SH2D1B: variants seen among roughly 807,000 people sequenced by gnomAD.
SH2D1B encodes SH2 domain containing 1B.
A neutral mutation model predicts 16.3 loss-of-function variants in SH2D1B; 11 were observed. The observed-to-expected ratio is 0.67, with a 90% CI of 0.42 to 1.11. The LOEUF is 1.11. Ranked by LOEUF, SH2D1B falls within the 50% of genes most tolerant of loss-of-function variation. SH2D1B has a pLI of 0.00. For missense variants in SH2D1B, 123 were observed against 153.1 expected (o/e 0.80, Z 1.04); for synonymous variants, 55 against 56.1 (o/e 0.98, Z 0.09).
At chr1:162,400,784 C>T (rs1477832616) in intron 2 of SH2D1B, among the ~76,000 whole-genome samples, 2 of 151,826 alleles carry the variant, frequency 1.3e-5, no homozygotes, top group Admixed American at 6.6e-5. Flanking sequence ...TCCGTCTCTA[C>T]TAAAAATACA....
In SH2D1B at chr1:162,403,514, ATATATATATAT is replaced by A. The variant is rs1648580947; in HGVS notation, c.135-723_135-713del. Among the ~76,000 whole-genome samples the A allele has an allele frequency of 2.9e-3, 66 of 22,752 alleles. 1 individual carries two copies. The highest frequency in any genetic ancestry group is 0.012 in the South Asian group (5 of 402). 14.9% of individuals were successfully genotyped at this position (22,752 alleles called of 152,430 possible). A position where few individuals can be genotyped will look rare whatever the true frequency, so the allele number is the denominator to read the frequency against. ...AAAAAAAAAAAAAAAAAAAAAAAAT[ATATATATATAT>A]ATATATATATATATATATGTAATTA... On this transcript the variant is annotated intron_variant, in intron 1 of 3. Transcript: ENST00000367929.
intron 1 of SH2D1B, among the ~76,000 whole-genome samples, chr1:162,405,818 C>CT (rs1416343382): frequency 6.6e-6 from 1 of 152,142 alleles, no homozygotes; most frequent in Non-Finnish European, 1.5e-5. Flanking sequence ...TTGTTTTACT[C>CT]TATCTATTTA....
chr1:162,409,107 TAA>T (rs67639233), intron 1 of SH2D1B, among the ~76,000 whole-genome samples: 238 of 141,418 alleles, frequency 1.7e-3, no homozygotes, highest in Admixed American at 1.8e-3. Flanking sequence ...AGACCCTGTC[TAA>T]AAAAAAAAAA....
intron 1 of SH2D1B, among the ~76,000 whole-genome samples, chr1:162,410,943 AC>A (rs1571276841): frequency 1.3e-5 from 2 of 148,900 alleles, no homozygotes; most frequent in East Asian, 4.0e-4. Context: ...GGAGTGAGCC[AC>A]TGTGCCCAGC....
intron 1 of SH2D1B, among the ~76,000 whole-genome samples, chr1:162,404,200 G>T (rs1016344091): frequency 6.6e-6 from 1 of 152,090 alleles, no homozygotes; most frequent in African/African-American, 2.4e-5. Flanking sequence ...GCTGGGTGTG[G>T]TGGCAGGCAC....
At chr1:162,410,579 C>T (rs72703858) in intron 1 of SH2D1B, among the ~76,000 whole-genome samples, 2,596 of 151,958 alleles carry the variant, frequency 0.017, 50 homozygotes, top group South Asian at 0.096. Flanking sequence ...TTCAGGATTG[C>T]TTTCTAAACT....
chr1:162,400,631 T>C (rs1648492774), intron 2 of SH2D1B, among the ~76,000 whole-genome samples: 1 of 151,762 alleles, frequency 6.6e-6, no homozygotes, highest in African/African-American at 2.4e-5. Context: ...TAATATAACC[T>C]TTTAGAAATA....
intron 1 of SH2D1B, among the ~76,000 whole-genome samples, chr1:162,406,576 T>G (rs1178359713): frequency 1.3e-5 from 2 of 152,188 alleles, no homozygotes; most frequent in African/African-American, 4.8e-5. Flanking sequence ...ATAGTTTGTT[T>G]TGTTTTTTAT....
intron 1 of SH2D1B, among the ~76,000 whole-genome samples, chr1:162,405,398 G>T (rs1336988569): frequency 6.6e-6 from 1 of 152,118 alleles, no homozygotes; most frequent in Non-Finnish European, 1.5e-5. Context: ...CCATCAAATT[G>T]TACACTTTTT....
At chr1:162,403,511 A>AAAAAAAAAAAAAAAAAAATAT (rs1648579325) in intron 1 of SH2D1B, among the ~76,000 whole-genome samples, 1 of 42,040 alleles carries the variant, frequency 2.4e-5, no homozygotes, top group Non-Finnish European at 4.0e-5. Flanking sequence ...AAAAAAAAAA[A>AAAAAAAAAAAAAAAAAAATAT]ATATATATAT....
chr1:162,403,510 AAATATATATATATATAT>A (rs1322655150), intron 1 of SH2D1B, among the ~76,000 whole-genome samples: 6 of 15,210 alleles, frequency 3.9e-4, no homozygotes, highest in South Asian at 3.6e-3. Flanking sequence ...AAAAAAAAAA[AAATATATATATATATAT>A]ATATATATAT....
intron 1 of SH2D1B, among the ~76,000 whole-genome samples, chr1:162,404,004 C>T (rs1648591793): frequency 1.3e-5 from 2 of 152,070 alleles, no homozygotes; most frequent in African/African-American, 4.8e-5. Flanking sequence ...AACAAGAGAT[C>T]TATTGTACAA....
intron 1 of SH2D1B, among the ~76,000 whole-genome samples, chr1:162,408,711 G>A (rs72703856): frequency 0.3 from 45,581 of 151,920 alleles, 6,931 homozygotes; most frequent in African/African-American, 0.31. Context: ...ACCACGCCTG[G>A]CCCATTTTTT....
intron 1 of SH2D1B, 52 bp from the exon 2 acceptor site, chr1:162,402,854 A>G (rs1213954740): frequency 1.4e-6 from 2 of 1,412,466 alleles, no homozygotes; most frequent in Non-Finnish European, 2.0e-6. Context: ...AATCCAGGTA[A>G]CATCTATCGT....
chr1:162,408,802 A>AT (rs1648718712), intron 1 of SH2D1B, among the ~76,000 whole-genome samples: 1 of 151,832 alleles, frequency 6.6e-6, no homozygotes, highest in South Asian at 2.1e-4. Flanking sequence ...ATAAATATCA[A>AT]TTTTCAAAGA....
At chr1:162,411,822 G>A in intron 1 of SH2D1B, 61 bp downstream of exon 1, 1 of 1,608,322 alleles carries the variant, frequency 6.2e-7, no homozygotes, top group Non-Finnish European at 8.5e-7. Flanking sequence ...CCTGTACTGT[G>A]TGGCAGCCAT....
At chr1:162,407,320 C>CA (rs968197190) in intron 1 of SH2D1B, among the ~76,000 whole-genome samples, 3 of 152,180 alleles carry the variant, frequency 2.0e-5, no homozygotes, top group Non-Finnish European at 4.4e-5. Flanking sequence ...CACTGCATAT[C>CA]AGAGTCCACT....
At chr1:162,399,132 C>T (rs376821927) in intron 2 of SH2D1B, 45 bp from the exon 3 acceptor site, 270 of 1,557,206 alleles carry the variant, frequency 1.7e-4, no homozygotes, top group Non-Finnish European at 2.1e-4. Flanking sequence ...CATGCAATTG[C>T]GTGTGAAATG....
intron 2 of SH2D1B, among the ~76,000 whole-genome samples, chr1:162,399,564 G>A (rs745583757): frequency 1.3e-5 from 2 of 152,090 alleles, no homozygotes; most frequent in Non-Finnish European, 2.9e-5. Context: ...ATAGGTAAAC[G>A]TGTGCCGTAG....
Sources: gnomAD v4.1 joint callset for allele counts (sites outside exome capture counted in the v4.1 genomes callset) on GRCh38, gnomAD v4.1.1 for gene constraint, MANE v1.5 for transcripts, NCBI Gene and HGNC (gene_info 2026-07-23, HGNC 2026-07-21) for gene names.